Variants in CAMK2D observed in about 807,000 individuals in gnomAD.
The protein encoded by CAMK2D is calcium/calmodulin dependent protein kinase II delta.
In CAMK2D, 37 loss-of-function variants were observed where a neutral mutation model predicts 84.0. The observed-to-expected ratio is 0.44, with a 90% CI of 0.34 to 0.58. The LOEUF (loss-of-function observed/expected upper bound fraction) is 0.58. CAMK2D is among the 20% of genes least tolerant of loss of function. CAMK2D has a pLI of 0.02. For synonymous variants in CAMK2D, 202 were observed against 212.5 expected (o/e 0.95, Z 0.43); for missense variants, 448 against 652.5 (o/e 0.69, Z 3.41).
At chr4:113,543,837 G>T (rs1201135309) in intron 6 of CAMK2D, among the ~76,000 whole-genome samples, 1 of 151,400 alleles carries the variant, frequency 6.6e-6, no homozygotes, top group Non-Finnish European at 1.5e-5. Flanking sequence ...TGTTGCCCAG[G>T]CTGGAATGCA....
intron 13 of CAMK2D, among the ~76,000 whole-genome samples, chr4:113,506,233 A>G (rs536395193): frequency 1.7e-4 from 26 of 152,290 alleles, no homozygotes; most frequent in African/African-American, 6.0e-4. Flanking sequence ...ACTAGTATTG[A>G]GAGGAAGATA....
At chr4:113,460,945 C>T (rs2097365946) in intron 17 of CAMK2D, among the ~76,000 whole-genome samples, 1 of 152,114 alleles carries the variant, frequency 6.6e-6, no homozygotes, top group Non-Finnish European at 1.5e-5. Context: ...CCCACCTGAC[C>T]TCCCAAAGTA....
At chr4:113,654,545 C>G (rs531165542) in intron 3 of CAMK2D, among the ~76,000 whole-genome samples, 1 of 151,966 alleles carries the variant, frequency 6.6e-6, no homozygotes, top group South Asian at 2.1e-4. Flanking sequence ...TAATGTTTAT[C>G]TTATGTGAGG....
chr4:113,594,965 G>C (rs1053602341), intron 4 of CAMK2D, among the ~76,000 whole-genome samples: 4 of 151,880 alleles, frequency 2.6e-5, no homozygotes, highest in African/African-American at 9.7e-5. Flanking sequence ...CTCAGATCCA[G>C]GAAACTCAGA....
intron 4 of CAMK2D, among the ~76,000 whole-genome samples, chr4:113,603,052 G>A (rs980570926): frequency 2.0e-5 from 3 of 151,860 alleles, no homozygotes; most frequent in East Asian, 1.9e-4. Flanking sequence ...CTTATCTTTC[G>A]GTAAATTCAC....
chr4:113,568,228 C>T (rs930637420), intron 4 of CAMK2D, among the ~76,000 whole-genome samples: 3 of 152,180 alleles, frequency 2.0e-5, no homozygotes, highest in African/African-American at 7.2e-5. Context: ...CCAAAACTAT[C>T]CATTCCCCCT....
At chr4:113,692,478 A>G (rs570619071) in intron 2 of CAMK2D, among the ~76,000 whole-genome samples, 1 of 152,174 alleles carries the variant, frequency 6.6e-6, no homozygotes, top group Non-Finnish European at 1.5e-5. Context: ...ATATATTCAT[A>G]CATACATATT....
chr4:113,586,915 A>C (rs1440796141), intron 4 of CAMK2D, among the ~76,000 whole-genome samples: 1 of 152,222 alleles, frequency 6.6e-6, no homozygotes, highest in Non-Finnish European at 1.5e-5. Context: ...CAGTTTGAAT[A>C]AAAAATAAGA....
At chr4:113,560,548 A>G (rs777802645) in intron 4 of CAMK2D, among the ~76,000 whole-genome samples, 27 of 152,224 alleles carry the variant, frequency 1.8e-4, no homozygotes, top group Non-Finnish European at 2.5e-4. Flanking sequence ...TCCCATTTAC[A>G]GAGGAAATAT....
At chr4:113,455,012 C>A (rs2097288651) in intron 20 of CAMK2D, among the ~76,000 whole-genome samples, 1 of 152,126 alleles carries the variant, frequency 6.6e-6, no homozygotes, top group Non-Finnish European at 1.5e-5. Context: ...TGGAGATCTC[C>A]TTTGCTGAAA....
At position 113,475,332 on chromosome 4, in the gene CAMK2D, TAACTAACA is replaced by T. The variant is rs893446103; in HGVS notation, c.1136-9736_1136-9729del. ...ATCATATCCCTTTGCTGGTTTTGAA[TAACTAACA>T]AACAAACAAACAAACAAAATTCCAT... On this transcript the variant is annotated intron_variant, in intron 16 of 20. Coordinates refer to ENST00000511664, the MANE Select transcript of CAMK2D (RefSeq NM_001321571.2). Among the ~76,000 whole-genome samples the T allele has an allele frequency of 3.0e-3, 64 of 21,476 alleles. 1 individual carries two copies. Among genetic ancestry groups the T allele is most frequent in the African/African-American group, 5.5e-3 (5 of 906 alleles). 14.1% of individuals were successfully genotyped at this position (21,476 alleles called of 152,430 possible).
intron 2 of CAMK2D, among the ~76,000 whole-genome samples, chr4:113,739,171 C>T (rs2099587531): frequency 6.6e-6 from 1 of 152,114 alleles, no homozygotes; most frequent in East Asian, 1.9e-4. Context: ...GAAAGAAAGG[C>T]AGGGTGTTGC....
At chr4:113,676,417 T>G (rs183339893) in intron 2 of CAMK2D, among the ~76,000 whole-genome samples, 1 of 152,334 alleles carries the variant, frequency 6.6e-6, no homozygotes, top group East Asian at 1.9e-4. Flanking sequence ...GAGTGGCTTT[T>G]TTTTCAAACC....
chr4:113,531,077 CTG>C (rs2098455141), intron 8 of CAMK2D, 137 bp downstream of exon 8: 1 of 578,526 alleles, frequency 1.7e-6, no homozygotes, highest in Non-Finnish European at 3.1e-6. Context: ...GAGCAAGACA[CTG>C]TATCAAAATA....
In CAMK2D at chr4:113,751,379, CAG is replaced by C. The variant is rs536377485; in HGVS notation, c.160+7939_160+7940del. 4.3e-3 allele frequency among the ~76,000 whole-genome samples: 658 copies of C among 152,234 alleles called. 2 individuals carry two copies. The highest frequency in any genetic ancestry group is 7.8e-3 in the Non-Finnish European group (528 of 67,996). On this transcript the variant is annotated intron_variant, in intron 2 of 20. Transcript: ENST00000511664. ...AACTATCCACAATTTCTTTATAAAA[CAG>C]AAAATTTTGATAAATTTTCACTTAC...
At chr4:113,463,708 A>C (rs563765240) in intron 17 of CAMK2D, among the ~76,000 whole-genome samples, 51 of 152,298 alleles carry the variant, frequency 3.3e-4, no homozygotes, top group African/African-American at 1.2e-3. Context: ...TAGTTGTAAT[A>C]ATTATGTACA....
intron 7 of CAMK2D, among the ~76,000 whole-genome samples, chr4:113,534,414 G>A (rs1229266636): frequency 6.6e-6 from 1 of 152,122 alleles, no homozygotes; most frequent in African/African-American, 2.4e-5. Flanking sequence ...ATACTGAATT[G>A]CCTTAGAACT....
chr4:113,647,390 C>CT (rs1398628053), intron 3 of CAMK2D, among the ~76,000 whole-genome samples: 1 of 152,160 alleles, frequency 6.6e-6, no homozygotes, highest in Admixed American at 6.5e-5. Flanking sequence ...GCACTGCCTA[C>CT]TTTTTTTATG....
chr4:113,583,017 G>A (rs2098817716), intron 4 of CAMK2D, among the ~76,000 whole-genome samples: 1 of 152,218 alleles, frequency 6.6e-6, no homozygotes, highest in Non-Finnish European at 1.5e-5. Flanking sequence ...CTTCAGTGGA[G>A]TCAAATCCTG....
Sources: allele counts gnomAD v4.1 joint callset (sites outside exome capture counted in the v4.1 genomes callset), GRCh38; gene constraint gnomAD v4.1.1; transcripts MANE v1.5; gene names NCBI Gene and HGNC (gene_info 2026-07-23, HGNC 2026-07-21).